The following KIF4A variants were observed in gnomAD, a reference collection of about 807,000 sequenced individuals.
The protein encoded by KIF4A is kinesin family member 4A, also known as chromosome-associated kinesin KIF4A.
KIF4A carries 7 observed loss-of-function variants against 105.9 expected under a neutral mutation model. The observed-to-expected ratio is 0.07, with a 90% CI of 0.04 to 0.12. KIF4A has a LOEUF of 0.12. Ranked by LOEUF, KIF4A falls within the 10% of genes least tolerant of loss-of-function variation. The pLI, the probability that KIF4A is intolerant of heterozygous loss-of-function variation, is 1.00. For missense variants in KIF4A, 558 were observed against 929.2 expected, an observed-to-expected ratio of 0.60 and a Z score of 5.19; for synonymous variants, 281 against 331.3, an observed-to-expected ratio of 0.85 and a Z score of 1.65.
intron 7 of KIF4A, among the ~76,000 whole-genome samples, chrX:70,315,158 A>T (rs1342561896): frequency 8.9e-6 from 1 of 111,956 alleles, no homozygotes; most frequent in African/African-American, 3.2e-5. Context: ...AGATCAATTC[A>T]TCTTGATAAT....
chrX:70,395,990 G>A lies in KIF4A; in HGVS notation c.2430G>A (p.Ser810=), dbSNP rs371576928. 13 of 1,207,337 alleles carry A rather than the reference G, an allele frequency of 1.1e-5. No individual in the cohort carries two copies. Among genetic ancestry groups the A allele is most frequent in the African/African-American group, 1.8e-5 (1 of 56,956 alleles). ...FSLTEVRGQV[S]ESEDSITKQI... ...TTACTGAAGTGCGTGGTCAAGTTTC[G>A]GAGTCAGAAGATTCTATTACAAAGC... Residue 810 remains serine (S), a synonymous_variant, in exon 22 of 31, where the codon TCG becomes TCA. Coordinates refer to ENST00000374403, the MANE Select transcript of KIF4A (RefSeq NM_012310.5).
chrX:70,408,376 G>T (rs897176207), intron 28 of KIF4A, among the ~76,000 whole-genome samples: 3 of 111,621 alleles, frequency 2.7e-5, no homozygotes, highest in Admixed American at 9.5e-5. Context: ...CTAAGTTAAG[G>T]CTACTTAGGA....
intron 13 of KIF4A, among the ~76,000 whole-genome samples, chrX:70,345,052 T>C (rs2085986796): frequency 8.9e-6 from 1 of 112,160 alleles, no homozygotes; most frequent in Admixed American, 9.4e-5. Context: ...GAGCCTGGGC[T>C]CTAGAGCCAC....
intron 15 of KIF4A, among the ~76,000 whole-genome samples, chrX:70,355,490 G>A (rs2086047211): frequency 8.9e-6 from 1 of 111,825 alleles, no homozygotes; most frequent in Non-Finnish European, 1.9e-5. Context: ...GTGGGTCTTG[G>A]GCGGGGCCAA....
At chrX:70,395,885 C>A in intron 21 of KIF4A, 59 bp downstream of exon 21, 1 of 1,198,480 alleles carries the variant, frequency 8.3e-7, no homozygotes, top group East Asian at 3.0e-5. Context: ...CCCAGAAATC[C>A]TCATAGCTTT....
rs375911544 is a variant in KIF4A, at chrX:70,406,886, T to C, written c.3073-7T>C. On this transcript the variant is annotated splice_polypyrimidine_tract_variant and splice_region_variant and intron_variant, in intron 27 of 30. Coordinates refer to ENST00000374403, the MANE Select transcript of KIF4A (RefSeq NM_012310.5). The stretch of plus-strand genomic sequence containing the variant: ...ATAACTAAACTACTCCAAACCTTTT[T>C]TCCTAGCCAAAACCTTCTCGTGTTA... The C allele has an allele frequency of 4.6e-5, 56 of 1,209,170 alleles. No individual in the cohort carries two copies. In the African/African-American group the frequency reaches 9.4e-4, roughly 20 times the overall value.
chrX:70,298,768 T>G (rs916817982), intron 4 of KIF4A, among the ~76,000 whole-genome samples: 7 of 112,493 alleles, frequency 6.2e-5, no homozygotes, highest in Non-Finnish European at 1.3e-4. Flanking sequence ...GTTATTCACA[T>G]TTTAACAAAA....
rs1293873740 is a variant in KIF4A at position 70,395,690 on chromosome X, T to C, written c.2252T>C (p.Ile751Thr). 1 of 1,211,369 alleles carries C rather than the reference T, an allele frequency of 8.3e-7. No homozygotes were observed. The highest frequency in any genetic ancestry group is 1.1e-6 in the Non-Finnish European group (1 of 895,452). The part of the protein sequence containing the change: ...ARVKNWLGNE[I>T]EVMVSTEEAK... ...TTCCAGAATTGGCTTGGAAACGAAA[T>C]TGAGGTTATGGTCAGTACTGAGGAA... Residue 751 changes from isoleucine (I) to threonine (T), a missense_variant, in exon 21 of 31, where the codon ATT (isoleucine) becomes ACT (threonine). This residue lies in a region of KIF4A where 469 missense variants were observed against 680.4 expected (regional missense o/e 0.69). Coordinates refer to ENST00000374403, the MANE Select transcript of KIF4A (RefSeq NM_012310.5).
chrX:70,318,044 A>G (rs1231296814), intron 7 of KIF4A, among the ~76,000 whole-genome samples: 4 of 108,945 alleles, frequency 3.7e-5, no homozygotes, highest in African/African-American at 1.3e-4. Context: ...CACCCAGCTA[A>G]TTTTTCTATT....
Position 70,364,562 on chromosome X carries a change from A to T in KIF4A, c.1675-9589A>T, listed in dbSNP as rs1271302716. Among the ~76,000 whole-genome samples, 7 of 107,790 alleles carry T rather than the reference A, an allele frequency of 6.5e-5. 1 individual carries two copies. Among genetic ancestry groups the T allele is most frequent in the Non-Finnish European group, 1.3e-4 (7 of 51,996 alleles). The allele number at this position is 107,790 out of a possible 115,157, so 93.6% of individuals were successfully genotyped here. A position where few individuals can be genotyped will look rare whatever the true frequency, so the allele number is the denominator to read the frequency against. ...GATCAGATAGTTGTAGATATGCGGC[A>T]TTATTTCTGAGGGCTCTGTTCTGTT... On this transcript the variant is annotated intron_variant, in intron 15 of 30. Transcript: ENST00000374403.
chrX:70,360,865 G>C (rs932398148), intron 15 of KIF4A, among the ~76,000 whole-genome samples: 5 of 112,895 alleles, frequency 4.4e-5, no homozygotes, highest in Non-Finnish European at 9.4e-5. Context: ...TCTAAGGCCT[G>C]GGCTGTGTCC....
chrX:70,338,442 A>G (rs1051340343), intron 10 of KIF4A, among the ~76,000 whole-genome samples: 19 of 111,733 alleles, frequency 1.7e-4, no homozygotes, highest in African/African-American at 6.2e-4. Flanking sequence ...TCTTTCACTT[A>G]TGTTTTGTGG....
intron 7 of KIF4A, among the ~76,000 whole-genome samples, chrX:70,316,342 A>G (rs2085869111): frequency 9.0e-6 from 1 of 110,945 alleles, no homozygotes; most frequent in African/African-American, 3.3e-5. Context: ...TACCTATTCA[A>G]AGTATTTCTC....
At chrX:70,377,595 C>G (rs1326187005) in intron 18 of KIF4A, among the ~76,000 whole-genome samples, 4 of 112,242 alleles carry the variant, frequency 3.6e-5, no homozygotes. Flanking sequence ...GAAACATTCT[C>G]CAGGATAGAC....
At chrX:70,386,086 T>G (rs2086216655) in intron 18 of KIF4A, among the ~76,000 whole-genome samples, 1 of 110,777 alleles carries the variant, frequency 9.0e-6, no homozygotes, top group Non-Finnish European at 1.9e-5. Flanking sequence ...TGTACCCAGG[T>G]TAACCTTGTT....
intron 22 of KIF4A, among the ~76,000 whole-genome samples, chrX:70,397,033 A>G (rs766817022): frequency 9.1e-6 from 1 of 109,335 alleles, no homozygotes; most frequent in South Asian, 4.0e-4. Flanking sequence ...AGATTGCGCC[A>G]TTGCACTCCA....
chrX:70,326,630 G>A lies in KIF4A; in HGVS notation c.779-2775G>A, dbSNP rs573519118. Among the ~76,000 whole-genome samples the A allele has an allele frequency of 5.2e-4, 58 of 111,886 alleles. 1 individual carries two copies. The South Asian group carries it at 0.021, about 40-fold the overall frequency. On this transcript the variant is annotated intron_variant, in intron 7 of 30. Coordinates refer to ENST00000374403, the MANE Select transcript of KIF4A (RefSeq NM_012310.5). ...CCCAAAGGTATTGAGTAGCATTTTTGACTCTCCTTACTTGATCTGTTCTCA... is the reference window on the plus strand; with the variant it reads ...CCCAAAGGTATTGAGTAGCATTTTTAACTCTCCTTACTTGATCTGTTCTCA...
chrX:70,388,738 GTTGT>G (rs1223920306), intron 20 of KIF4A, among the ~76,000 whole-genome samples: 2 of 111,461 alleles, frequency 1.8e-5, no homozygotes, highest in South Asian at 3.7e-4. Flanking sequence ...TTTAAATTGG[GTTGT>G]TTATCTTTTT....
intron 13 of KIF4A, among the ~76,000 whole-genome samples, chrX:70,349,128 A>G (rs1327450599): frequency 1.8e-4 from 10 of 54,637 alleles, no homozygotes; most frequent in East Asian, 6.7e-4. Flanking sequence ...CGGGGCGGCC[A>G]GGCAGAGGCA....
Sources: allele counts gnomAD v4.1 joint callset (sites outside exome capture counted in the v4.1 genomes callset), GRCh38; gene constraint gnomAD v4.1.1; regional missense constraint gnomAD v4.1.1; transcripts MANE v1.5; gene names NCBI Gene and HGNC (gene_info 2026-07-23, HGNC 2026-07-21).